Variants in NT5DC3 observed in about 807,000 individuals in gnomAD.
The protein encoded by NT5DC3 is 5'-nucleotidase domain-containing protein 3.
NT5DC3 carries 42 observed loss-of-function variants against 67.8 expected under a neutral mutation model. That is an observed-to-expected ratio of 0.62 (90% CI 0.48 to 0.80). The LOEUF (loss-of-function observed/expected upper bound fraction) is 0.80. Among genes scored for constraint, NT5DC3 ranks in the 30% least tolerant of loss-of-function variants. NT5DC3 has a pLI of 0.00. For missense variants in NT5DC3, 570 were observed against 696.4 expected (o/e 0.82, Z 2.04); for synonymous variants, 237 against 255.6 (o/e 0.93, Z 0.69).
intron 4 of NT5DC3, among the ~76,000 whole-genome samples, chr12:103,799,872 C>T (rs368782390): frequency 2.0e-5 from 3 of 151,886 alleles, no homozygotes; most frequent in African/African-American, 7.2e-5. Flanking sequence ...CCAGTGACTA[C>T]AGCAGGTGCC....
chr12:103,791,921 T>C (rs1886083029), intron 9 of NT5DC3, among the ~76,000 whole-genome samples: 1 of 152,308 alleles, frequency 6.6e-6, no homozygotes, highest in Admixed American at 6.5e-5. Context: ...CCCACAAACC[T>C]GCTGGAAAAA....
At chr12:103,781,007 G>C (rs1394415421) in intron 12 of NT5DC3, among the ~76,000 whole-genome samples, 3 of 152,082 alleles carry the variant, frequency 2.0e-5, no homozygotes, top group Non-Finnish European at 4.4e-5. Context: ...AGGCAAGAAG[G>C]CAAATCACCT....
the NT5DC3 span, among the ~76,000 whole-genome samples, chr12:103,760,104 GTTC>G: frequency 2.6e-5 from 4 of 152,292 alleles, no homozygotes; most frequent in South Asian, 2.1e-4. Flanking sequence ...CAGTAAGGAT[GTTC>G]TTCTCTTCTG....
At chr12:103,826,521 G>C (rs1887703050) in intron 1 of NT5DC3, among the ~76,000 whole-genome samples, 1 of 152,198 alleles carries the variant, frequency 6.6e-6, no homozygotes, top group Non-Finnish European at 1.5e-5. Flanking sequence ...AAACAATGTG[G>C]GGAGCCTCTA....
chr12:103,819,357 C>A (rs1422069624), intron 1 of NT5DC3, among the ~76,000 whole-genome samples: 2 of 152,256 alleles, frequency 1.3e-5, no homozygotes, highest in African/African-American at 2.4e-5. Context: ...CAGAAACAGT[C>A]TGGCTAAACT....
intron 1 of NT5DC3, among the ~76,000 whole-genome samples, chr12:103,828,000 G>C (rs1190193137): frequency 6.6e-6 from 1 of 152,220 alleles, no homozygotes; most frequent in East Asian, 1.9e-4. Context: ...GGAAGAGCCA[G>C]TTGCTTCCCT....
intron 1 of NT5DC3, among the ~76,000 whole-genome samples, chr12:103,815,763 C>G (rs995849081): frequency 5.3e-5 from 8 of 152,096 alleles, no homozygotes; most frequent in Admixed American, 1.3e-4. Flanking sequence ...TACTAAAAAC[C>G]ACTGGGAGAC....
At chr12:103,789,788 G>T (rs1454987941) in intron 9 of NT5DC3, among the ~76,000 whole-genome samples, 2 of 152,106 alleles carry the variant, frequency 1.3e-5, no homozygotes, top group Non-Finnish European at 2.9e-5. Context: ...CTCACAGTTT[G>T]TTTGCCTTAA....
At chr12:103,768,634 TGA>T (rs58287606), downstream of NT5DC3, among the ~76,000 whole-genome samples, 24 of 24,870 alleles carry the variant, frequency 9.7e-4, no homozygotes, top group East Asian at 2.2e-3. Context: ...GGAGAGGGAG[TGA>T]GAGAGAGAGA....
In NT5DC3 at chr12:103,777,034, G is replaced by C. The variant is rs992669293; in HGVS notation, c.*795C>G. On this transcript the variant is annotated 3_prime_UTR_variant, in exon 14 of 14. Transcript: ENST00000392876. Reference sequence around the variant, plus strand: ...TGTTTCCAGGTTTAACAAGCTCCTGGGAGACCTACCACAAATGTTTTGGTT... The same window carrying C: ...TGTTTCCAGGTTTAACAAGCTCCTGCGAGACCTACCACAAATGTTTTGGTT... The C allele has an allele frequency of 6.6e-6, 1 of 152,124 alleles. No individual in the cohort carries two copies. The highest frequency in any genetic ancestry group is 1.5e-5 in the Non-Finnish European group (1 of 68,026). 9.4% of individuals were successfully genotyped at this position (152,124 alleles called of 1,614,324 possible).
the NT5DC3 span, chr12:103,759,296 T>G: frequency 1.2e-6 from 2 of 1,610,704 alleles, no homozygotes; most frequent in Non-Finnish European, 1.7e-6. Context: ...CTGGGCTTCT[T>G]GGGGGAACGG....
chr12:103,759,904 G>A, the NT5DC3 span, among the ~76,000 whole-genome samples: 1 of 152,186 alleles, frequency 6.6e-6, no homozygotes, highest in Admixed American at 6.5e-5. Context: ...AAGAACAGTT[G>A]GGATCAAGAG....
In NT5DC3 at chr12:103,787,433, C is replaced by A; in HGVS notation, c.1188+8G>T. ...TGTCCCCCAACAAAGGAAAAAAGGG[C>A]CCCTCACCGCCAGGTCACTGTATAT... On this transcript the variant is annotated splice_region_variant and intron_variant, in intron 11 of 13. Coordinates refer to ENST00000392876, the MANE Select transcript of NT5DC3 (RefSeq NM_001031701.3). 1 of 1,507,220 alleles carries A rather than the reference C, an allele frequency of 6.6e-7. No individual in the cohort carries two copies. The highest frequency in any genetic ancestry group is 1.4e-5 in the South Asian group (1 of 74,024). The allele number at this position is 1,507,220 out of a possible 1,614,324, so 93.4% of individuals were successfully genotyped here. A position where few individuals can be genotyped will look rare whatever the true frequency, so the allele number is the denominator to read the frequency against.
chr12:103,807,036 G>A, intron 2 of NT5DC3, 107 bp from the exon 3 acceptor site: 1 of 685,986 alleles, frequency 1.5e-6, no homozygotes, highest in African/African-American at 1.8e-5. Flanking sequence ...ACACCAGTGG[G>A]AGGTTGGGGT....
At chr12:103,750,833 G>T in the NT5DC3 span, 1 of 1,389,640 alleles carries the variant, frequency 7.2e-7, no homozygotes, top group African/African-American at 1.4e-5. Flanking sequence ...GCTCAAGCCT[G>T]TAATCCCAAT....
intron 9 of NT5DC3, 42 bp downstream of exon 9, chr12:103,793,122 C>T (rs771613778): frequency 7.5e-7 from 1 of 1,329,938 alleles, no homozygotes; most frequent in Non-Finnish European, 1.1e-6. Flanking sequence ...TTCACAGCAG[C>T]AAAGGAATAA....
At chr12:103,830,281 G>T (rs1887871665) in intron 1 of NT5DC3, among the ~76,000 whole-genome samples, 1 of 152,122 alleles carries the variant, frequency 6.6e-6, no homozygotes, top group Admixed American at 6.6e-5. Flanking sequence ...GTTGCTCCAT[G>T]GTCTATACTA....
intron 7 of NT5DC3, 62 bp downstream of exon 7, chr12:103,793,875 G>T: frequency 7.2e-7 from 1 of 1,381,144 alleles, no homozygotes; most frequent in Non-Finnish European, 1.0e-6. Context: ...GTAAAATGCC[G>T]GCATGGTTGC....
chr12:103,766,657 G>A, downstream of NT5DC3: 1 of 301,226 alleles, frequency 3.3e-6, no homozygotes, highest in Non-Finnish European at 6.3e-6. Flanking sequence ...TTGTATCCCA[G>A]CCCCTAGCCC....
Sources: gnomAD v4.1 joint callset for allele counts (sites outside exome capture counted in the v4.1 genomes callset) on GRCh38, gnomAD v4.1.1 for gene constraint, MANE v1.5 for transcripts, NCBI Gene and HGNC (gene_info 2026-07-23, HGNC 2026-07-21) for gene names.